Variants in MCPH1 observed in about 807,000 individuals in gnomAD.
The protein encoded by MCPH1 is microcephalin.
Under a neutral mutation model 84.5 loss-of-function variants are expected in MCPH1, and 104 were observed. That is an observed-to-expected ratio of 1.23 (90% CI 1.05 to 1.45). MCPH1 has a LOEUF of 1.45. Ranked by LOEUF, MCPH1 falls within the 40% of genes most tolerant of loss-of-function variation. MCPH1 has a pLI of 0.00. For synonymous variants in MCPH1, 514 were observed against 366.8 expected, an observed-to-expected ratio of 1.40 and a Z score of -4.58; for missense variants, 1,498 against 1,005.7, an observed-to-expected ratio of 1.49 and a Z score of -6.62.
At chr8:6,465,877 G>A (rs928326326) in intron 9 of MCPH1, among the ~76,000 whole-genome samples, 8 of 152,056 alleles carry the variant, frequency 5.3e-5, no homozygotes, top group South Asian at 2.1e-4. Context: ...AAAAATTTAT[G>A]TCTGTTCTCT....
intron 12 of MCPH1, among the ~76,000 whole-genome samples, chr8:6,542,563 A>G (rs1214559089): frequency 6.6e-6 from 1 of 151,200 alleles, no homozygotes; most frequent in African/African-American, 2.4e-5. Context: ...CCCATCCCGC[A>G]CTCTCATCGC....
chr8:6,479,959 G>C (rs1207250028), intron 10 of MCPH1, among the ~76,000 whole-genome samples: 1 of 152,028 alleles, frequency 6.6e-6, no homozygotes, highest in Non-Finnish European at 1.5e-5. Flanking sequence ...AAAACTATGT[G>C]TTGATACTCA....
chr8:6,596,605 G>A (rs1048941353), intron 12 of MCPH1, among the ~76,000 whole-genome samples: 1 of 152,082 alleles, frequency 6.6e-6, no homozygotes, highest in African/African-American at 2.4e-5. Context: ...GAGCTCGTGA[G>A]TATGAGGGCA....
chr8:6,589,625 C>T (rs7825703), intron 12 of MCPH1, among the ~76,000 whole-genome samples: 29,678 of 152,164 alleles, frequency 0.2, 3,028 homozygotes, highest in South Asian at 0.31. Context: ...GCATTTTCAT[C>T]TTCCATCTCG....
At chr8:6,439,692 G>A (rs1050187828) in intron 6 of MCPH1, among the ~76,000 whole-genome samples, 20 of 152,038 alleles carry the variant, frequency 1.3e-4, no homozygotes, top group Non-Finnish European at 2.2e-4. Flanking sequence ...GTGAGCCACC[G>A]CTCCTGGCCG....
intron 12 of MCPH1, among the ~76,000 whole-genome samples, chr8:6,512,105 C>T (rs768792154): frequency 6.6e-6 from 1 of 151,712 alleles, no homozygotes. Context: ...TCCAGGAGAG[C>T]CTGATCTTTC....
chr8:6,609,789 G>A (rs1336515362), intron 12 of MCPH1, among the ~76,000 whole-genome samples: 2 of 145,746 alleles, frequency 1.4e-5, no homozygotes, highest in Admixed American at 7.2e-5. Context: ...TATTTTTGCC[G>A]GGAATCTCAT....
intron 12 of MCPH1, chr8:6,621,142 G>A (rs751858872): frequency 2.1e-4 from 84 of 407,660 alleles, no homozygotes; most frequent in Non-Finnish European, 3.6e-4. Context: ...GCCTAGCTAT[G>A]GCTCTGCTGT....
intron 3 of MCPH1, among the ~76,000 whole-genome samples, chr8:6,429,371 T>G (rs1243839602): frequency 2.0e-5 from 3 of 152,036 alleles, no homozygotes; most frequent in Non-Finnish European, 2.9e-5. Context: ...CTCCCTCTTT[T>G]CAGCCTTCCA....
intron 8 of MCPH1, chr8:6,447,348 G>C (rs1261385107): frequency 1.0e-6 from 1 of 985,198 alleles, no homozygotes; most frequent in Non-Finnish European, 1.2e-6. Flanking sequence ...GAAAACTTCT[G>C]TACAGCAAAC....
intron 12 of MCPH1, among the ~76,000 whole-genome samples, chr8:6,570,892 T>C (rs1244786903): frequency 6.7e-6 from 1 of 148,330 alleles, no homozygotes; most frequent in Non-Finnish European, 1.5e-5. Context: ...TAACATCTGC[T>C]AAAGAATTTC....
rs1798189080 is a variant in MCPH1 at position 6,645,729 on chromosome 8, C to T, written c.*2680C>T. On this transcript the variant is annotated 3_prime_UTR_variant, in exon 14 of 14. Transcript: ENST00000344683. ...CCTAACAGAATTGTATTTATATATA[C>T]TGTCAATAAGCAATTCAAAATGAAA... is the stretch of plus-strand genomic sequence containing the variant. The T allele has an allele frequency of 6.7e-6, 1 of 150,316 alleles. No homozygotes were observed. The highest frequency in any genetic ancestry group is 1.5e-5 in the Non-Finnish European group (1 of 67,712). 9.3% of individuals were successfully genotyped at this position (150,316 alleles called of 1,614,324 possible). A position where few individuals can be genotyped will look rare whatever the true frequency, so the allele number is the denominator to read the frequency against.
At chr8:6,484,220 G>A (rs1809581148) in intron 11 of MCPH1, among the ~76,000 whole-genome samples, 1 of 152,116 alleles carries the variant, frequency 6.6e-6, no homozygotes, top group Non-Finnish European at 1.5e-5. Context: ...TAAGAAAACA[G>A]AACAGCTCAA....
chr8:6,562,873 T>C (rs1304208706), intron 12 of MCPH1: 4 of 1,612,184 alleles, frequency 2.5e-6, no homozygotes, highest in Admixed American at 1.7e-5. Flanking sequence ...CTTCCGAAAG[T>C]TGTTATAGGC....
chr8:6,585,081 G>T (rs917023442), intron 12 of MCPH1, among the ~76,000 whole-genome samples: 3 of 152,210 alleles, frequency 2.0e-5, no homozygotes, highest in African/African-American at 7.2e-5. Context: ...TAGCAGTTCG[G>T]CTGGAGTATT....
intron 5 of MCPH1, among the ~76,000 whole-genome samples, 189 bp downstream of exon 5, chr8:6,436,351 G>A (rs553885491): frequency 6.6e-6 from 1 of 152,368 alleles, no homozygotes; most frequent in South Asian, 2.1e-4. Context: ...GAGCCACGCA[G>A]CTTGAGCTAA....
rs1257250269 is a variant in MCPH1 at position 6,509,123 on chromosome 8, A to T, written c.2214+9194A>T. Reference sequence around the variant, plus strand: ...GGGTCATTGATTTACCGTAGTGGCAAATTTTTTGTGATGAAGAATTCCATT... The same window carrying T: ...GGGTCATTGATTTACCGTAGTGGCATATTTTTTGTGATGAAGAATTCCATT... On this transcript the variant is annotated intron_variant, in intron 12 of 13. Transcript: ENST00000344683. 7 of 1,574,326 alleles carry T rather than the reference A, an allele frequency of 4.4e-6. No individual in the cohort carries two copies. In the South Asian group the frequency reaches 5.9e-5, roughly 13 times the overall value.
intron 8 of MCPH1, among the ~76,000 whole-genome samples, chr8:6,449,273 A>G (rs1804792791): frequency 6.6e-6 from 1 of 152,294 alleles, no homozygotes; most frequent in Non-Finnish European, 1.5e-5. Flanking sequence ...CTTATATTGC[A>G]GATTCATCAC....
intron 12 of MCPH1, among the ~76,000 whole-genome samples, chr8:6,553,821 C>T (rs895762412): frequency 3.3e-5 from 5 of 152,088 alleles, no homozygotes; most frequent in African/African-American, 1.2e-4. Context: ...TATAAAGTCC[C>T]ACGTGATTCA....
Sources: allele counts gnomAD v4.1 joint callset (sites outside exome capture counted in the v4.1 genomes callset), GRCh38; gene constraint gnomAD v4.1.1; transcripts MANE v1.5; gene names NCBI Gene and HGNC (gene_info 2026-07-23, HGNC 2026-07-21).